The following PRKN variants were observed in gnomAD, a reference collection of about 807,000 sequenced individuals.
PRKN encodes parkin RBR E3 ubiquitin protein ligase.
In PRKN, 56 loss-of-function variants were observed where a neutral mutation model predicts 59.5. That is an observed-to-expected ratio of 0.94 (90% CI 0.76 to 1.18). The LOEUF is 1.18. Among genes scored for constraint, PRKN ranks in the 50% most tolerant of loss-of-function variants. PRKN has a pLI of 0.00. For synonymous variants in PRKN, 250 were observed against 222.1 expected (o/e 1.13, Z -1.12); for missense variants, 657 against 596.4 (o/e 1.10, Z -1.06).
chr6:162,075,803 C>A lies in PRKN; in HGVS notation c.535-21629G>T, dbSNP rs62436044. 7.4e-4 allele frequency among the ~76,000 whole-genome samples: 113 copies of A among 152,066 alleles called. 1 individual carries two copies. The highest frequency in any genetic ancestry group is 2.5e-3 in the African/African-American group (104 of 41,402). On this transcript the variant is annotated intron_variant, in intron 4 of 11. Transcript: ENST00000366898. Reference sequence around the variant, plus strand: ...AGTGAAACATTAAACACGTATGTAACGAGCAGGCTTCCAATCATCTGAGAG... The same window carrying A: ...AGTGAAACATTAAACACGTATGTAAAGAGCAGGCTTCCAATCATCTGAGAG...
intron 1 of PRKN, among the ~76,000 whole-genome samples, chr6:162,558,223 A>G (rs567997672): frequency 6.6e-6 from 1 of 152,200 alleles, no homozygotes; most frequent in Non-Finnish European, 1.5e-5. Context: ...AATCTCAAAG[A>G]AAGTGGCATT....
intron 2 of PRKN, among the ~76,000 whole-genome samples, chr6:162,427,158 A>G (rs144789349): frequency 6.6e-6 from 1 of 152,350 alleles, no homozygotes; most frequent in East Asian, 1.9e-4. Flanking sequence ...AGAAAAGTTT[A>G]CACCAGTCAG....
chr6:161,898,576 G>C (rs754888105), intron 6 of PRKN, among the ~76,000 whole-genome samples: 1 of 152,308 alleles, frequency 6.6e-6, no homozygotes, highest in Non-Finnish European at 1.5e-5. Context: ...GGGTCATGCA[G>C]ATGATTACTA....
intron 7 of PRKN, among the ~76,000 whole-genome samples, chr6:161,753,562 T>C (rs1445838043): frequency 2.0e-5 from 3 of 152,200 alleles, no homozygotes; most frequent in African/African-American, 7.2e-5. Context: ...TGTTTGCTGT[T>C]CAGTTATTGA....
At chr6:162,321,121 G>T (rs181437888) in intron 2 of PRKN, among the ~76,000 whole-genome samples, 1 of 151,950 alleles carries the variant, frequency 6.6e-6, no homozygotes, top group East Asian at 1.9e-4. Flanking sequence ...AAATTATACT[G>T]TCTTGTCAGG....
intron 1 of PRKN, among the ~76,000 whole-genome samples, chr6:162,609,411 CA>C (rs1338769856): frequency 1.3e-5 from 2 of 152,192 alleles, no homozygotes; most frequent in African/African-American, 4.8e-5. Flanking sequence ...ATAGCAACTT[CA>C]TATAGTTTAT....
chr6:161,491,533 A>G (rs9347515), intron 9 of PRKN, among the ~76,000 whole-genome samples: 114,210 of 151,962 alleles, frequency 0.75, 43,114 homozygotes, highest in Middle Eastern at 0.85. Flanking sequence ...CAGTGCTGGC[A>G]TATTAGGTAA....
At chr6:161,465,596 C>T (rs184668209) in intron 9 of PRKN, among the ~76,000 whole-genome samples, 14 of 152,172 alleles carry the variant, frequency 9.2e-5, no homozygotes, top group Admixed American at 1.3e-4. Context: ...CTCTTATCAC[C>T]GTGCTCTCCA....
At chr6:162,394,666 C>A (rs1404782193) in intron 2 of PRKN, among the ~76,000 whole-genome samples, 1 of 152,136 alleles carries the variant, frequency 6.6e-6, no homozygotes, top group Non-Finnish European at 1.5e-5. Flanking sequence ...ATCCAAAAGG[C>A]TTATCTCATG....
chr6:162,010,649 TATATA>T lies in PRKN; in HGVS notation c.619-37237_619-37233del, dbSNP rs1388736752. 1.3e-3 allele frequency among the ~76,000 whole-genome samples: 6 copies of T among 4,668 alleles called. 1 individual carries two copies. The allele number at this position is 4,668 out of a possible 152,430, so 3.1% of individuals were successfully genotyped here. Reference sequence around the variant, plus strand: ...ATATATAATATATTATATAATATATTATATAATATATTATATATAATATACTATAT... The same window carrying T: ...ATATATAATATATTATATAATATATTATATATTATATATAATATACTATAT... On this transcript the variant is annotated intron_variant, in intron 5 of 11. Coordinates refer to ENST00000366898, the MANE Select transcript of PRKN (RefSeq NM_004562.3).
At chr6:162,225,666 G>A (rs1182576237) in intron 3 of PRKN, among the ~76,000 whole-genome samples, 3 of 152,034 alleles carry the variant, frequency 2.0e-5, no homozygotes, top group Non-Finnish European at 2.9e-5. Flanking sequence ...CTCCAATGCT[G>A]TACACACAGC....
At chr6:162,449,051 C>A (rs779544953) in intron 1 of PRKN, among the ~76,000 whole-genome samples, 5 of 151,836 alleles carry the variant, frequency 3.3e-5, no homozygotes, top group Non-Finnish European at 7.4e-5. Context: ...CCACACCCAG[C>A]AATTTTTGTA....
intron 1 of PRKN, among the ~76,000 whole-genome samples, chr6:162,446,139 G>T (rs2128168883): frequency 6.6e-6 from 1 of 152,262 alleles, no homozygotes; most frequent in Middle Eastern, 3.4e-3. Context: ...TGTATTGGAA[G>T]CCCTGAGGTA....
intron 6 of PRKN, among the ~76,000 whole-genome samples, chr6:161,820,221 T>C (rs1407179644): frequency 1.3e-5 from 2 of 151,936 alleles, no homozygotes; most frequent in African/African-American, 4.8e-5. Context: ...TCAATGGTAG[T>C]TAGCTCTGGC....
At chr6:161,534,229 G>C (rs1365784541) in intron 9 of PRKN, among the ~76,000 whole-genome samples, 1 of 152,114 alleles carries the variant, frequency 6.6e-6, no homozygotes, top group Non-Finnish European at 1.5e-5. Context: ...CTAGCTTTCT[G>C]TCCCTTCACT....
intron 7 of PRKN, among the ~76,000 whole-genome samples, chr6:161,614,963 CAGAGAGAGAGAGAGAGAG>C (rs71694349): frequency 0.063 from 9,348 of 147,334 alleles, 403 homozygotes; most frequent in Non-Finnish European, 0.093. Flanking sequence ...GAGAGGAAGA[CAGAGAGAGAGAGAGAGAG>C]AGAGAGAGAG....
At chr6:162,658,238 T>G (rs1303938288) in intron 1 of PRKN, among the ~76,000 whole-genome samples, 1 of 152,236 alleles carries the variant, frequency 6.6e-6, no homozygotes, top group Non-Finnish European at 1.5e-5. Flanking sequence ...TCTATTCAAC[T>G]TTCTTTCTGT....
chr6:161,950,366 G>A (rs745918216), intron 6 of PRKN, among the ~76,000 whole-genome samples: 6 of 152,064 alleles, frequency 3.9e-5, no homozygotes, highest in Admixed American at 6.6e-5. Flanking sequence ...CCAATAAGAC[G>A]AAATCCTGTC....
chr6:161,794,870 T>C lies in PRKN; in HGVS notation c.735-8962A>G, dbSNP rs372069669. Among the ~76,000 whole-genome samples, 197 of 152,342 alleles carry C rather than the reference T, an allele frequency of 1.3e-3. 6 individuals carry two copies. The South Asian group carries it at 0.039, about 30-fold the overall frequency. On this transcript the variant is annotated intron_variant, in intron 6 of 11. Coordinates refer to ENST00000366898, the MANE Select transcript of PRKN (RefSeq NM_004562.3). Reference sequence around the variant, plus strand: ...TTGTAATGTTTACATTTAGAAAGTATTGCTTTTATATTTAACTTAGCATTT... The same window carrying C: ...TTGTAATGTTTACATTTAGAAAGTACTGCTTTTATATTTAACTTAGCATTT...
Sources: allele counts gnomAD v4.1 joint callset (sites outside exome capture counted in the v4.1 genomes callset), GRCh38; gene constraint gnomAD v4.1.1; transcripts MANE v1.5; gene names NCBI Gene and HGNC (gene_info 2026-07-23, HGNC 2026-07-21).